EVC2: variants seen among roughly 807,000 people sequenced by gnomAD.
EVC2 encodes limbin.
In EVC2, 148 loss-of-function variants were observed where a neutral mutation model predicts 149.3. That is an observed-to-expected ratio of 0.99 (90% CI 0.87 to 1.14). EVC2 has a LOEUF of 1.14. EVC2 is among the 50% of genes most tolerant of loss of function. EVC2 has a pLI of 0.00. For missense variants in EVC2, 1,854 were observed against 1,627.3 expected (o/e 1.14, Z -2.40); for synonymous variants, 776 against 649.9 (o/e 1.19, Z -2.95).
At chr4:5,598,892 C>T (rs1401778639) in intron 16 of EVC2, among the ~76,000 whole-genome samples, 1 of 152,096 alleles carries the variant, frequency 6.6e-6, no homozygotes, top group Non-Finnish European at 1.5e-5. Context: ...CAAACAACCC[C>T]ATCAAAAAGT....
At chr4:5,691,716 G>A (rs1721133156) in intron 3 of EVC2, among the ~76,000 whole-genome samples, 1 of 152,164 alleles carries the variant, frequency 6.6e-6, no homozygotes, top group Admixed American at 6.5e-5. Flanking sequence ...GCACCATGGT[G>A]CGCTGGAACA....
the EVC2 span, among the ~76,000 whole-genome samples, chr4:5,536,598 C>T: frequency 1.1e-4 from 16 of 152,084 alleles, no homozygotes; most frequent in Non-Finnish European, 1.8e-4. Context: ...TCTTGGCTAA[C>T]ATGGTGAAAC....
At chr4:5,691,612 T>C (rs1279123036) in intron 3 of EVC2, among the ~76,000 whole-genome samples, 1 of 152,132 alleles carries the variant, frequency 6.6e-6, no homozygotes, top group African/African-American at 2.4e-5. Context: ...CAACCAAGAC[T>C]GACATACCAG....
At position 5,633,138 on chromosome 4, in the gene EVC2, A is replaced by T; in HGVS notation, c.1471-1106T>A. Among the ~76,000 whole-genome samples, 1 of 152,206 alleles carries T rather than the reference A, an allele frequency of 6.6e-6. No individual in the cohort carries two copies. The highest frequency in any genetic ancestry group is 1.9e-4 in the East Asian group (1 of 5,192). The stretch of plus-strand genomic sequence containing the variant: ...CTCTCCTGCTGGCTTTGAAGAACCA[A>T]ACAGCCAGGCTGTAAACTGTCTCCG... On this transcript the variant is annotated intron_variant, in intron 10 of 21. Transcript: ENST00000344408. This position sits in a 1 kb window ranked among gnomAD's most constrained non-coding sequence, Gnocchi z 4.4.
At chr4:5,667,876 A>T (rs1719380201) in intron 7 of EVC2, among the ~76,000 whole-genome samples, 1 of 152,214 alleles carries the variant, frequency 6.6e-6, no homozygotes, top group South Asian at 2.1e-4. Flanking sequence ...TACTACATGT[A>T]AAAAACAGTT....
rs80307315 is a variant in EVC2, at chr4:5,658,683, G to A, written c.1145+4424C>T. 1.7e-3 allele frequency among the ~76,000 whole-genome samples: 260 copies of A among 152,322 alleles called. 2 individuals carry two copies. The highest frequency in any genetic ancestry group is 5.9e-3 in the African/African-American group (247 of 41,582). On this transcript the variant is annotated intron_variant, in intron 9 of 21. Coordinates refer to ENST00000344408, the MANE Select transcript of EVC2 (RefSeq NM_147127.5). ...TTTTTAAAAAGCTGTTCGGTCAGTA[G>A]AAGAAAAGATTGAAAACACTCAGGC...
intron 21 of EVC2, among the ~76,000 whole-genome samples, chr4:5,551,765 G>A (rs982284803): frequency 7.2e-5 from 11 of 152,140 alleles, no homozygotes; most frequent in African/African-American, 1.7e-4. Flanking sequence ...GGAGGGACAC[G>A]GTGGGAGGTA....
At chr4:5,599,963 T>G (rs973366717) in intron 16 of EVC2, among the ~76,000 whole-genome samples, 1 of 152,252 alleles carries the variant, frequency 6.6e-6, no homozygotes, top group Non-Finnish European at 1.5e-5. Context: ...TGCTTAAATT[T>G]TAGACACAGA....
intron 10 of EVC2, among the ~76,000 whole-genome samples, chr4:5,635,439 C>T (rs1005436039): frequency 2.6e-5 from 4 of 152,074 alleles, no homozygotes; most frequent in Non-Finnish European, 5.9e-5. Context: ...CTATGGCTTC[C>T]AACACCTAGA....
chr4:5,558,958 C>T (rs1577090735), downstream of EVC2, among the ~76,000 whole-genome samples: 1 of 152,062 alleles, frequency 6.6e-6, no homozygotes, highest in Non-Finnish European at 1.5e-5. Flanking sequence ...TTTGCAAGAC[C>T]AAGGCGGGAG....
intron 16 of EVC2, among the ~76,000 whole-genome samples, chr4:5,590,297 G>A (rs1712669139): frequency 6.6e-6 from 1 of 152,168 alleles, no homozygotes; most frequent in Admixed American, 6.5e-5. Context: ...TGATGGGCAA[G>A]GCATGGCAAG....
At position 5,686,129 on chromosome 4, in the gene EVC2, G is replaced by A. The variant is rs1293167736; in HGVS notation, c.707-650C>T. ...ACACACACACACACACACACACACA[G>A]AGTAAAGAAAAGAGGAGGAACGCTC... On this transcript the variant is annotated intron_variant, in intron 5 of 21. Coordinates refer to ENST00000344408, the MANE Select transcript of EVC2 (RefSeq NM_147127.5). This position sits in a 1 kb window ranked among gnomAD's most constrained non-coding sequence, Gnocchi z 5.4. Among the ~76,000 whole-genome samples, 1 of 60,044 alleles carries A rather than the reference G, an allele frequency of 1.7e-5. No homozygotes were observed. The highest frequency in any genetic ancestry group is 8.4e-5 in the African/African-American group (1 of 11,886). 39.4% of individuals were successfully genotyped at this position (60,044 alleles called of 152,430 possible). A position where few individuals can be genotyped will look rare whatever the true frequency, so the allele number is the denominator to read the frequency against.
At chr4:5,581,357 G>A (rs1711760968) in intron 17 of EVC2, among the ~76,000 whole-genome samples, 1 of 152,158 alleles carries the variant, frequency 6.6e-6, no homozygotes, top group Non-Finnish European at 1.5e-5. Context: ...TTACATTGTT[G>A]TGACCAAAAT....
Position 5,615,691 on chromosome 4 carries a change from G to C in EVC2, c.2707-147C>G, listed in dbSNP as rs80101274. 8.5e-3 allele frequency: 10,060 copies of C among 1,180,646 alleles called. 555 individuals carry two copies. In the African/African-American group the frequency reaches 0.13, roughly 16 times the overall value. The allele number at this position is 1,180,646 out of a possible 1,614,324, so 73.1% of individuals were successfully genotyped here. A position where few individuals can be genotyped will look rare whatever the true frequency, so the allele number is the denominator to read the frequency against. ...CTTAGGCCAGAGAGGGGAGGAGAGA[G>C]GTATGTTCTTCTGGAAGGAGCTCAG... is the stretch of plus-strand genomic sequence containing the variant. On this transcript the variant is annotated intron_variant, in intron 15 of 21. Transcript: ENST00000344408.
chr4:5,654,696 G>T (rs1560199518), intron 9 of EVC2, among the ~76,000 whole-genome samples: 1 of 152,054 alleles, frequency 6.6e-6, no homozygotes. Context: ...GGCGTGCATG[G>T]TTAATCCATG....
In EVC2 at chr4:5,569,864, C is replaced by T. The variant is rs542071164; in HGVS notation, c.3361-1224G>A. On this transcript the variant is annotated intron_variant, in intron 19 of 21. Transcript: ENST00000344408. The surrounding 1 kb of genome is among the most constrained non-coding windows in gnomAD (Gnocchi z 4.8). ...CCAAATACCAAAGCTCCTTCCACGT[C>T]CTGACGCTCCCCATCCATGGCCTCC... 1.3e-5 allele frequency among the ~76,000 whole-genome samples: 2 copies of T among 152,242 alleles called. No homozygotes were observed. Among genetic ancestry groups the T allele is most frequent in the East Asian group, 3.9e-4 (2 of 5,160 alleles).
At chr4:5,598,594 T>C (rs1577139204) in intron 16 of EVC2, among the ~76,000 whole-genome samples, 2 of 152,150 alleles carry the variant, frequency 1.3e-5, no homozygotes, top group African/African-American at 4.8e-5. Flanking sequence ...ACTTAAACGT[T>C]AGACCTAAAA....
Position 5,691,335 on chromosome 4 carries a change from T to G in EVC2, c.451-2A>C. The G allele has an allele frequency of 6.2e-7, 1 of 1,608,460 alleles. No homozygotes were observed. The highest frequency in any genetic ancestry group is 8.5e-7 in the Non-Finnish European group (1 of 1,175,174). ...AACTTCTCTTGAAATGTCCCCATAC[T>G]ACAATAAAATGTAAAAGTTATTAGA... On this transcript the variant is annotated splice_acceptor_variant, in intron 3 of 21. Transcript: ENST00000344408. LOFTEE classifies it high-confidence loss of function.
chr4:5,704,081 G>A (rs74581879), intron 1 of EVC2, among the ~76,000 whole-genome samples: 2,661 of 152,254 alleles, frequency 0.017, 59 homozygotes, highest in African/African-American at 0.054. Flanking sequence ...GGAAGCCACC[G>A]TGAGCTACTC....
Sources: gnomAD v4.1 joint callset for allele counts (sites outside exome capture counted in the v4.1 genomes callset) on GRCh38, gnomAD v4.1.1 for gene constraint, Gnocchi (gnomAD v3.1) non-coding constraint, MANE v1.5 for transcripts, NCBI Gene and HGNC (gene_info 2026-07-23, HGNC 2026-07-21) for gene names.